TP53BP2: variants seen among roughly 807,000 people sequenced by gnomAD.
The protein encoded by TP53BP2 is apoptosis-stimulating of p53 protein 2.
In TP53BP2, 62 loss-of-function variants were observed where a neutral mutation model predicts 126.2. The observed-to-expected ratio is 0.49, with a 90% CI of 0.40 to 0.61. The LOEUF is 0.61. Among genes scored for constraint, TP53BP2 ranks in the 20% least tolerant of loss-of-function variants. The pLI is 0.00. For missense variants in TP53BP2, 1,215 were observed against 1,402.8 expected (o/e 0.87, Z 2.14); for synonymous variants, 485 against 502.9 (o/e 0.96, Z 0.48).
At chr1:223,812,893 T>C (rs939838429) in intron 3 of TP53BP2, among the ~76,000 whole-genome samples, 5 of 152,162 alleles carry the variant, frequency 3.3e-5, no homozygotes, top group African/African-American at 1.2e-4. Flanking sequence ...AGACAGAGTT[T>C]CGTCATGTTG....
chr1:223,810,587 G>C (rs775684185), intron 3 of TP53BP2, 74 bp from the exon 4 acceptor site: 204 of 1,018,304 alleles, frequency 2.0e-4, no homozygotes, highest in Admixed American at 7.2e-4. Context: ...TCATTTCTGA[G>C]TTCTGTCATT....
At chr1:223,783,935 T>C (rs1661859954) in intron 17 of TP53BP2, among the ~76,000 whole-genome samples, 180 bp downstream of exon 17, 1 of 152,204 alleles carries the variant, frequency 6.6e-6, no homozygotes, top group South Asian at 2.1e-4. Flanking sequence ...AAACAGATGT[T>C]ATTGGTCATA....
At chr1:223,843,819 C>A (rs748617013) in intron 1 of TP53BP2, among the ~76,000 whole-genome samples, 11 of 151,954 alleles carry the variant, frequency 7.2e-5, no homozygotes, top group Non-Finnish European at 1.5e-4. Flanking sequence ...TTCAAATATC[C>A]AAAATATTAC....
At chr1:223,819,184 C>CA (rs533080608) in intron 2 of TP53BP2, among the ~76,000 whole-genome samples, 127 of 116,246 alleles carry the variant, frequency 1.1e-3, no homozygotes, top group East Asian at 2.1e-3. Context: ...AACTCTGTCT[C>CA]AAAAAAAAAA....
rs114245422 is a variant in TP53BP2 at position 223,812,784 on chromosome 1, G to A, written c.289+1456C>T. Reference sequence around the variant, plus strand: ...CATGTTGGCCAGGATGGTCTGTCTCGATCTCCTGACTTCGTGATCCTCCCG... The same window carrying A: ...CATGTTGGCCAGGATGGTCTGTCTCAATCTCCTGACTTCGTGATCCTCCCG... On this transcript the variant is annotated intron_variant, in intron 3 of 17. Coordinates refer to ENST00000343537, the MANE Select transcript of TP53BP2 (RefSeq NM_001031685.3). Among the ~76,000 whole-genome samples the A allele has an allele frequency of 6.5e-3, 994 of 152,018 alleles. 4 individuals are homozygous for A. Among genetic ancestry groups the A allele is most frequent in the Non-Finnish European group, 0.011 (751 of 67,974 alleles).
intron 1 of TP53BP2, among the ~76,000 whole-genome samples, chr1:223,825,452 T>A (rs1485162401): frequency 6.6e-6 from 1 of 152,202 alleles, no homozygotes; most frequent in Non-Finnish European, 1.5e-5. Context: ...GTTCTGTCTT[T>A]TAGAGCAACA....
At chr1:223,794,544 G>T (rs750644776) in intron 13 of TP53BP2, among the ~76,000 whole-genome samples, 22 of 152,172 alleles carry the variant, frequency 1.4e-4, no homozygotes, top group Non-Finnish European at 2.9e-4. Context: ...ATCTTAAAAA[G>T]AAAGTATAAT....
chr1:223,816,482 G>C (rs1571862719), intron 2 of TP53BP2, among the ~76,000 whole-genome samples: 1 of 151,826 alleles, frequency 6.6e-6, no homozygotes, highest in East Asian at 1.9e-4. Context: ...AGAGGGAAGG[G>C]AAAAAGCCAG....
At chr1:223,784,038 A>T in intron 17 of TP53BP2, 77 bp downstream of exon 17, 2 of 1,282,452 alleles carry the variant, frequency 1.6e-6, no homozygotes, top group Non-Finnish European at 2.3e-6. Flanking sequence ...GGTGCACTGT[A>T]CACATAACAT....
intron 7 of TP53BP2, 52 bp from the exon 8 acceptor site, chr1:223,802,947 C>T (rs745627823): frequency 1.3e-6 from 2 of 1,593,520 alleles, no homozygotes; most frequent in East Asian, 4.5e-5. Flanking sequence ...AAGAAAATGT[C>T]TCAAACAGTT....
chr1:223,829,853 T>A (rs1384793095), intron 1 of TP53BP2, among the ~76,000 whole-genome samples: 1 of 152,084 alleles, frequency 6.6e-6, no homozygotes, highest in Non-Finnish European at 1.5e-5. Flanking sequence ...CAGTTTTTCT[T>A]CCCCAGGTAG....
chr1:223,840,379 G>T (rs990647900), intron 1 of TP53BP2, among the ~76,000 whole-genome samples: 1 of 152,148 alleles, frequency 6.6e-6, no homozygotes, highest in African/African-American at 2.4e-5. Context: ...TCAGTACCTA[G>T]CACACCATCA....
chr1:223,810,378 A>T (rs1032369618), intron 4 of TP53BP2, 53 bp downstream of exon 4: 1 of 1,321,060 alleles, frequency 7.6e-7, no homozygotes, highest in African/African-American at 1.5e-5. Context: ...ATTTAAAGTT[A>T]AAAAATATGT....
chr1:223,835,660 T>C (rs1024150337), intron 1 of TP53BP2, among the ~76,000 whole-genome samples: 28 of 152,186 alleles, frequency 1.8e-4, no homozygotes, highest in Non-Finnish European at 2.4e-4. Flanking sequence ...AGGCAAGAAC[T>C]ACACTCACCA....
At position 223,795,812 on chromosome 1, in the gene TP53BP2, T is replaced by C. The variant is rs1234190413; in HGVS notation, c.2724+3A>G. The C allele has an allele frequency of 6.6e-7, 1 of 1,524,152 alleles. No homozygotes were observed. The highest frequency in any genetic ancestry group is 1.3e-5 in the South Asian group (1 of 75,952). 94.4% of individuals were successfully genotyped at this position (1,524,152 alleles called of 1,614,324 possible). On this transcript the variant is annotated splice_donor_region_variant and intron_variant, in intron 13 of 17. Transcript: ENST00000343537. ...AAAGGCTATGAGATAGTACATTACT[T>C]ACAGGAGGCAGAGAGACCTGCCCGG...
chr1:223,834,883 G>A, intron 1 of TP53BP2: 1 of 984,492 alleles, frequency 1.0e-6, no homozygotes, highest in Non-Finnish European at 1.2e-6. Flanking sequence ...CATTCACACT[G>A]TAGTTGTCTG....
chr1:223,834,979 C>T (rs909259393), intron 1 of TP53BP2: 1 of 436,872 alleles, frequency 2.3e-6, no homozygotes, highest in African/African-American at 2.1e-5. Flanking sequence ...TGGTTTTCCT[C>T]CTCCTACATT....
At chr1:223,802,501 T>G in intron 8 of TP53BP2, 157 bp from the exon 9 acceptor site, 1 of 854,114 alleles carries the variant, frequency 1.2e-6, no homozygotes, top group South Asian at 1.8e-5. Context: ...CACTCCCCAA[T>G]GAACTCTCAC....
intron 1 of TP53BP2, among the ~76,000 whole-genome samples, chr1:223,835,948 G>A (rs924371945): frequency 6.6e-6 from 1 of 152,080 alleles, no homozygotes; most frequent in Non-Finnish European, 1.5e-5. Flanking sequence ...GTGGAAGAAG[G>A]CTTAACATAA....
Sources: gnomAD v4.1 joint callset for allele counts (sites outside exome capture counted in the v4.1 genomes callset) on GRCh38, gnomAD v4.1.1 for gene constraint, MANE v1.5 for transcripts, NCBI Gene and HGNC (gene_info 2026-07-23, HGNC 2026-07-21) for gene names.